The following PPP2R5E variants were observed in gnomAD, a reference collection of about 807,000 sequenced individuals.
PPP2R5E encodes protein phosphatase 2 regulatory subunit B'epsilon.
Under a neutral mutation model 65.3 loss-of-function variants are expected in PPP2R5E, and 4 were observed. That is an observed-to-expected ratio of 0.06 (90% CI 0.03 to 0.14). PPP2R5E has a LOEUF of 0.14. Among genes scored for constraint, PPP2R5E ranks in the 10% least tolerant of loss-of-function variants. PPP2R5E has a pLI of 1.00. For missense variants in PPP2R5E, 274 were observed against 556.1 expected, an observed-to-expected ratio of 0.49 and a Z score of 5.10; for synonymous variants, 183 against 187.4, an observed-to-expected ratio of 0.98 and a Z score of 0.19.
chr14:63,425,889 T>C lies in PPP2R5E; in HGVS notation c.355-3795A>G, dbSNP rs545442982. ...CTTAGTCAAAACTTCATCTCTCAGT[T>C]ACAGCAAAAGAAGGCCAAGTTGGGT... On this transcript the variant is annotated intron_variant, in intron 3 of 13. Transcript: ENST00000337537. 6.0e-4 allele frequency among the ~76,000 whole-genome samples: 91 copies of C among 152,338 alleles called. 1 individual carries two copies. Among genetic ancestry groups the C allele is most frequent in the African/African-American group, 2.0e-3 (85 of 41,584 alleles).
intron 13 of PPP2R5E, among the ~76,000 whole-genome samples, chr14:63,379,203 T>C (rs1220480752): frequency 6.6e-6 from 1 of 152,046 alleles, no homozygotes; most frequent in African/African-American, 2.4e-5. Context: ...TAATTTTTTG[T>C]AGTTTTAGTA....
At chr14:63,530,225 CG>C (rs1893355864) in intron 2 of PPP2R5E, among the ~76,000 whole-genome samples, 1 of 127,758 alleles carries the variant, frequency 7.8e-6, no homozygotes, top group Admixed American at 7.6e-5. Flanking sequence ...GAAATTTTTC[CG>C]TTTTTTTTTT....
intron 11 of PPP2R5E, among the ~76,000 whole-genome samples, chr14:63,387,543 T>C (rs1471412758): frequency 1.3e-5 from 2 of 151,894 alleles, no homozygotes; most frequent in African/African-American, 4.8e-5. Flanking sequence ...AATAAATGGA[T>C]GAACCAGCAA....
rs190104328 is a variant in PPP2R5E at position 63,501,353 on chromosome 14, C to T, written c.157+38176G>A. Among the ~76,000 whole-genome samples, 1,396 of 149,576 alleles carry T rather than the reference C, an allele frequency of 9.3e-3. 13 individuals are homozygous for T. The highest frequency in any genetic ancestry group is 0.014 in the Non-Finnish European group (941 of 67,724). ...CCGGGAGGCGGAGCTTGCAGTGAGC[C>T]GATACAGTGCCACTGCACTCCAGCC... On this transcript the variant is annotated intron_variant, in intron 2 of 13. Transcript: ENST00000337537.
chr14:63,527,165 G>A (rs1043288652), intron 2 of PPP2R5E, among the ~76,000 whole-genome samples: 13 of 151,690 alleles, frequency 8.6e-5, no homozygotes, highest in South Asian at 2.1e-4. Context: ...GGGAAACTCC[G>A]TCTCAAAAAA....
At chr14:63,409,554 ATTT>A (rs1432301868) in intron 5 of PPP2R5E, among the ~76,000 whole-genome samples, 1 of 152,150 alleles carries the variant, frequency 6.6e-6, no homozygotes, top group Non-Finnish European at 1.5e-5. Flanking sequence ...ACCAGTAGAC[ATTT>A]TTACAAGTCA....
intron 5 of PPP2R5E, among the ~76,000 whole-genome samples, chr14:63,400,062 G>C (rs1271405137): frequency 6.6e-6 from 1 of 152,200 alleles, no homozygotes; most frequent in Non-Finnish European, 1.5e-5. Flanking sequence ...AATAGGTAGA[G>C]ACAGGACACA....
intron 3 of PPP2R5E, among the ~76,000 whole-genome samples, chr14:63,435,034 T>C (rs963330546): frequency 3.3e-5 from 5 of 152,110 alleles, no homozygotes; most frequent in African/African-American, 1.2e-4. Flanking sequence ...TATGTTTACA[T>C]CATAATGATA....
chr14:63,517,029 T>C (rs937576938), intron 2 of PPP2R5E, among the ~76,000 whole-genome samples: 4 of 152,162 alleles, frequency 2.6e-5, no homozygotes, highest in African/African-American at 9.7e-5. Flanking sequence ...ATCAACTTTA[T>C]AGGATCCACT....
chr14:63,436,740 G>A lies in PPP2R5E; in HGVS notation c.355-14646C>T, dbSNP rs1330679684. Among the ~76,000 whole-genome samples, 3 of 152,176 alleles carry A rather than the reference G, an allele frequency of 2.0e-5. No homozygotes were observed. The East Asian group carries it at 5.8e-4, about 29-fold the overall frequency. The stretch of plus-strand genomic sequence containing the variant: ...TGGCTTCATCTTAGTTCCTCTGAAG[G>A]AAACCAAGAGAAGGATCTAGGGGCA... On this transcript the variant is annotated intron_variant, in intron 3 of 13. Coordinates refer to ENST00000337537, the MANE Select transcript of PPP2R5E (RefSeq NM_006246.5).
At chr14:63,382,804 A>C (rs1395539237) in intron 12 of PPP2R5E, among the ~76,000 whole-genome samples, 1 of 152,234 alleles carries the variant, frequency 6.6e-6, no homozygotes, top group Non-Finnish European at 1.5e-5. Context: ...TCACCCTAAA[A>C]TAAGGATCTG....
intron 4 of PPP2R5E, among the ~76,000 whole-genome samples, chr14:63,416,971 C>G (rs539457955): frequency 1.6e-4 from 25 of 152,266 alleles, no homozygotes; most frequent in African/African-American, 5.8e-4. Context: ...AGATATTCTT[C>G]TTTGATGCTA....
At chr14:63,530,226 G>GTTTTTTT (rs555112537) in intron 2 of PPP2R5E, among the ~76,000 whole-genome samples, 12 of 99,456 alleles carry the variant, frequency 1.2e-4, no homozygotes, top group African/African-American at 2.9e-4. Context: ...AAATTTTTCC[G>GTTTTTTT]TTTTTTTTTT....
At chr14:63,420,070 T>C (rs1886918679) in intron 4 of PPP2R5E, among the ~76,000 whole-genome samples, 1 of 152,228 alleles carries the variant, frequency 6.6e-6, no homozygotes, top group Non-Finnish European at 1.5e-5. Context: ...TATTGTACTT[T>C]AGGGGAAATT....
chr14:63,403,710 T>G (rs886850532), intron 5 of PPP2R5E, among the ~76,000 whole-genome samples: 1 of 150,994 alleles, frequency 6.6e-6, no homozygotes, highest in African/African-American at 2.4e-5. Flanking sequence ...ATGGTTACTC[T>G]CAGAGAATTA....
At position 63,374,663 on chromosome 14, in the gene PPP2R5E, ATATAT is replaced by A. The variant is rs1883886698; in HGVS notation, c.*1341_*1345del. 1 of 134,846 alleles carries A rather than the reference ATATAT, an allele frequency of 7.4e-6. No homozygotes were observed. Among genetic ancestry groups the A allele is most frequent in the African/African-American group, 3.1e-5 (1 of 31,852 alleles). The allele number at this position is 134,846 out of a possible 1,614,324, so 8.4% of individuals were successfully genotyped here. Reference sequence around the variant, plus strand: ...TATATATATATATATATATATATATATATATAAAATACAGCCCTAGATTTTGTTTT... The same window carrying A: ...TATATATATATATATATATATATATAAAAATACAGCCCTAGATTTTGTTTT... On this transcript the variant is annotated 3_prime_UTR_variant, in exon 14 of 14. Coordinates refer to ENST00000337537, the MANE Select transcript of PPP2R5E (RefSeq NM_006246.5).
At chr14:63,455,416 A>G (rs1466487354) in intron 2 of PPP2R5E, among the ~76,000 whole-genome samples, 1 of 152,240 alleles carries the variant, frequency 6.6e-6, no homozygotes, top group Non-Finnish European at 1.5e-5. Context: ...TTGAATGTAT[A>G]GCATCACTCC....
At chr14:63,376,164 C>A (rs1883972658) in intron 13 of PPP2R5E, 56 bp from the exon 14 acceptor site, 2 of 1,239,252 alleles carry the variant, frequency 1.6e-6, no homozygotes, top group Non-Finnish European at 2.3e-6. Flanking sequence ...GATTATGCAA[C>A]AATGAATATT....
At chr14:63,387,739 G>A (rs531954881) in intron 11 of PPP2R5E, among the ~76,000 whole-genome samples, 8 of 152,184 alleles carry the variant, frequency 5.3e-5, no homozygotes, top group Admixed American at 1.3e-4. Context: ...AATCCCCAAC[G>A]TGACTATATT....
Sources: allele counts gnomAD v4.1 joint callset (sites outside exome capture counted in the v4.1 genomes callset), GRCh38; gene constraint gnomAD v4.1.1; transcripts MANE v1.5; gene names NCBI Gene and HGNC (gene_info 2026-07-23, HGNC 2026-07-21).